The following PTPRG variants were observed in gnomAD, a reference collection of about 807,000 sequenced individuals.
PTPRG encodes the protein protein tyrosine phosphatase receptor type G, also known as receptor-type tyrosine-protein phosphatase gamma.
PTPRG carries 102 observed loss-of-function variants against 165.3 expected under a neutral mutation model. The ratio of observed to expected loss-of-function variants is 0.62; its 90% CI spans 0.53 to 0.73. PTPRG has a LOEUF of 0.73. Ranked by LOEUF, PTPRG falls within the 30% of genes least tolerant of loss-of-function variation. The pLI is 0.00. For missense variants in PTPRG, 1,866 were observed against 1,861.4 expected, an observed-to-expected ratio of 1.00 and a Z score of -0.05; for synonymous variants, 675 against 669.5, an observed-to-expected ratio of 1.01 and a Z score of -0.13.
chr3:61,641,070 A>T (rs1178910934), intron 1 of PTPRG, among the ~76,000 whole-genome samples: 2 of 152,226 alleles, frequency 1.3e-5, no homozygotes, highest in Admixed American at 6.5e-5. Flanking sequence ...AACTAGAGGC[A>T]TATTTACAGA....
At chr3:61,948,497 A>G (rs2039819665) in intron 2 of PTPRG, among the ~76,000 whole-genome samples, 1 of 151,954 alleles carries the variant, frequency 6.6e-6, no homozygotes, top group Admixed American at 6.6e-5. Flanking sequence ...AGCTTAAAAC[A>G]TTTTTCATGC....
chr3:62,126,434 T>A (rs1408778292), intron 5 of PTPRG, among the ~76,000 whole-genome samples: 1 of 152,198 alleles, frequency 6.6e-6, no homozygotes, highest in African/African-American at 2.4e-5. Flanking sequence ...GCGTTTGAAG[T>A]GGGGAGGGTG....
chr3:62,203,449 G>T lies in PTPRG; in HGVS notation c.1654G>T (p.Val552Phe). The T allele has an allele frequency of 6.3e-7, 1 of 1,592,480 alleles. No homozygotes were observed. The highest frequency in any genetic ancestry group is 1.1e-5 in the South Asian group (1 of 88,710). ...AGCCAGCAAGCAGGCGGCTAGGCCA[G>T]TCCTAGCCACCACAGAGGCCTTGGC... ...ASASKQAARP[V>F]LATTEALASP... The change falls in exon 12 of 30, where the codon GTC (valine) becomes TTC (phenylalanine). Residue 552 changes from valine to phenylalanine, a missense_variant. Val to Phe is a conservative substitution (Grantham distance 50). Transcript: ENST00000474889. The surrounding 1 kb of genome is among the most constrained non-coding windows in gnomAD (Gnocchi z 6.4).
intron 4 of PTPRG, among the ~76,000 whole-genome samples, chr3:62,025,420 T>G (rs2041782980): frequency 6.6e-6 from 1 of 152,226 alleles, no homozygotes; most frequent in African/African-American, 2.4e-5. Flanking sequence ...AATTTTCAAT[T>G]AAATATAATG....
At chr3:61,610,255 G>A (rs932838095) in intron 1 of PTPRG, among the ~76,000 whole-genome samples, 3 of 151,860 alleles carry the variant, frequency 2.0e-5, no homozygotes, top group African/African-American at 4.8e-5. Flanking sequence ...AGTGCCTGGC[G>A]CAGTCTAAGT....
intron 1 of PTPRG, among the ~76,000 whole-genome samples, chr3:61,631,169 C>T (rs761061980): frequency 6.6e-6 from 1 of 151,614 alleles, no homozygotes; most frequent in South Asian, 2.1e-4. Context: ...GCAGAGCTGA[C>T]CATTAAAGTT....
At chr3:61,806,017 G>A (rs2035403484) in intron 2 of PTPRG, among the ~76,000 whole-genome samples, 1 of 152,114 alleles carries the variant, frequency 6.6e-6, no homozygotes, top group African/African-American at 2.4e-5. Context: ...TCAGATTTTA[G>A]TATATGGTGA....
At chr3:62,095,930 C>T (rs1007091138) in intron 5 of PTPRG, among the ~76,000 whole-genome samples, 1 of 152,116 alleles carries the variant, frequency 6.6e-6, no homozygotes, top group African/African-American at 2.4e-5. Context: ...AAGGCTCAAG[C>T]TAGAGCATTG....
chr3:61,887,363 G>C (rs1398187401), intron 2 of PTPRG, among the ~76,000 whole-genome samples: 3 of 151,786 alleles, frequency 2.0e-5, no homozygotes, highest in Admixed American at 2.0e-4. Flanking sequence ...TAGACATAGT[G>C]AAAAACACAT....
intron 6 of PTPRG, among the ~76,000 whole-genome samples, chr3:62,134,744 T>C (rs1360924286): frequency 2.0e-5 from 3 of 152,246 alleles, no homozygotes; most frequent in Non-Finnish European, 4.4e-5. Flanking sequence ...GAAAACCATG[T>C]TGATGTGGCA....
intron 2 of PTPRG, among the ~76,000 whole-genome samples, chr3:61,864,736 T>C (rs2037359761): frequency 6.6e-6 from 1 of 152,190 alleles, no homozygotes; most frequent in African/African-American, 2.4e-5. Context: ...CACTTCAACA[T>C]CTGTGCTTTG....
chr3:61,622,588 G>T (rs1232264301), intron 1 of PTPRG, among the ~76,000 whole-genome samples: 1 of 152,114 alleles, frequency 6.6e-6, no homozygotes, highest in Non-Finnish European at 1.5e-5. Context: ...TACAAATCTT[G>T]TAAATTACTT....
chr3:61,773,440 T>C (rs529600431), intron 2 of PTPRG, among the ~76,000 whole-genome samples: 1 of 152,320 alleles, frequency 6.6e-6, no homozygotes, highest in South Asian at 2.1e-4. Flanking sequence ...GTGAAAACTT[T>C]CAGGGATGCT....
intron 2 of PTPRG, among the ~76,000 whole-genome samples, chr3:61,766,855 A>G (rs1016376302): frequency 1.3e-5 from 2 of 151,826 alleles, no homozygotes; most frequent in Admixed American, 6.6e-5. Flanking sequence ...CCTGATCTCA[A>G]ATGATCTGCA....
Position 61,923,692 on chromosome 3 carries a change from AT to A in PTPRG, c.191-65914del, listed in dbSNP as rs71123241. Among the ~76,000 whole-genome samples, 400 of 100,846 alleles carry A rather than the reference AT, an allele frequency of 4.0e-3. 2 individuals are homozygous for A. The highest frequency in any genetic ancestry group is 0.013 in the Middle Eastern group (2 of 152). The allele number at this position is 100,846 out of a possible 152,430, so 66.2% of individuals were successfully genotyped here. On this transcript the variant is annotated intron_variant, in intron 2 of 29. Transcript: ENST00000474889. ...CCACCATGTCCAGTTTATTTTTTGTATTTTTTTTTTTTTTTTTTTGTAGAGA... is the reference window on the plus strand; with the variant it reads ...CCACCATGTCCAGTTTATTTTTTGTATTTTTTTTTTTTTTTTTTGTAGAGA...
intron 17 of PTPRG, chr3:62,264,111 A>T (rs2148861533): frequency 6.6e-6 from 1 of 150,576 alleles, no homozygotes; most frequent in Non-Finnish European, 1.5e-5. Flanking sequence ...ACGCCACTGT[A>T]CTCCATCCTG....
chr3:61,678,357 T>C (rs1196407326), intron 1 of PTPRG, among the ~76,000 whole-genome samples: 1 of 152,208 alleles, frequency 6.6e-6, no homozygotes, highest in Non-Finnish European at 1.5e-5. Flanking sequence ...AGTCAACATG[T>C]GTTTTACAAT....
At chr3:61,848,257 C>T (rs907512628) in intron 2 of PTPRG, among the ~76,000 whole-genome samples, 2 of 152,182 alleles carry the variant, frequency 1.3e-5, no homozygotes, top group African/African-American at 2.4e-5. Flanking sequence ...CTCGCCATGC[C>T]CCCACCTTCA....
Position 61,815,612 on chromosome 3 carries a change from A to T in PTPRG, c.190+66630A>T, listed in dbSNP as rs560367329. 2.6e-5 allele frequency among the ~76,000 whole-genome samples: 4 copies of T among 152,268 alleles called. No homozygotes were observed. In the South Asian group the frequency reaches 8.3e-4, roughly 32 times the overall value. ...GTAGGGACCCAGATGAGGGGGCTGC[A>T]TTGTTTTACTGTGCAAAAGTAGTTT... On this transcript the variant is annotated intron_variant, in intron 2 of 29. Coordinates refer to ENST00000474889, the MANE Select transcript of PTPRG (RefSeq NM_002841.4).
Sources: allele counts gnomAD v4.1 joint callset (sites outside exome capture counted in the v4.1 genomes callset), GRCh38; gene constraint gnomAD v4.1.1; non-coding constraint Gnocchi (gnomAD v3.1); transcripts MANE v1.5; gene names NCBI Gene and HGNC (gene_info 2026-07-23, HGNC 2026-07-21).